The following CACNB2 variants were observed in gnomAD, a reference collection of about 807,000 sequenced individuals.
CACNB2 encodes the protein calcium voltage-gated channel auxiliary subunit beta 2, also known as voltage-dependent L-type calcium channel subunit beta-2.
In CACNB2, 42 loss-of-function variants were observed where a neutral mutation model predicts 73.3. That is an observed-to-expected ratio of 0.57 (90% CI 0.45 to 0.74). CACNB2 has a LOEUF of 0.74. Among genes scored for constraint, CACNB2 ranks in the 30% least tolerant of loss-of-function variants. The probability of loss-of-function intolerance (pLI) is 0.00; values close to 1 mark genes in which losing one functional copy is unlikely to be tolerated. For synonymous variants in CACNB2, 348 were observed against 310.3 expected (o/e 1.12, Z -1.28); for missense variants, 940 against 853.0 (o/e 1.10, Z -1.27).
chr10:18,526,519 C>T (rs2052485925), intron 9 of CACNB2, among the ~76,000 whole-genome samples: 1 of 152,196 alleles, frequency 6.6e-6, no homozygotes, highest in African/African-American at 2.4e-5. Context: ...TCCTTTTCGC[C>T]CTAACTTCAT....
At chr10:18,450,502 G>A (rs556299305) in intron 3 of CACNB2, among the ~76,000 whole-genome samples, 10 of 152,108 alleles carry the variant, frequency 6.6e-5, no homozygotes, top group Admixed American at 3.3e-4. Context: ...GATGTGGGCC[G>A]TAAGGAATCC....
intron 3 of CACNB2, among the ~76,000 whole-genome samples, chr10:18,422,977 C>T (rs915162786): frequency 2.6e-5 from 4 of 152,174 alleles, no homozygotes; most frequent in African/African-American, 9.7e-5. Context: ...TGATTACAGG[C>T]GTGAGCCACT....
intron 3 of CACNB2, among the ~76,000 whole-genome samples, chr10:18,442,733 G>A (rs914759990): frequency 2.0e-5 from 3 of 150,648 alleles, no homozygotes; most frequent in Admixed American, 6.6e-5. Flanking sequence ...GCTGAGGCAG[G>A]AGAATTCCTG....
At chr10:18,379,964 G>T (rs551656857) in intron 2 of CACNB2, among the ~76,000 whole-genome samples, 1 of 152,266 alleles carries the variant, frequency 6.6e-6, no homozygotes, top group South Asian at 2.1e-4. Flanking sequence ...TGGGATTACA[G>T]CTATGAGCCA....
rs530120285 is a variant in CACNB2 at position 18,244,391 on chromosome 10, A to G, written c.213+93416A>G. Among the ~76,000 whole-genome samples the G allele has an allele frequency of 7.9e-5, 12 of 152,304 alleles. No homozygotes were observed. The South Asian group carries it at 1.7e-3, about 21-fold the overall frequency. ...AATCATCAACCGCTTCTCAACTACC[A>G]TATGTCAGTGATTATGGGGATCCCT... On this transcript the variant is annotated intron_variant, in intron 2 of 13. Coordinates refer to ENST00000324631, the MANE Select transcript of CACNB2 (RefSeq NM_201596.3).
chr10:18,261,996 G>A (rs1270302903), intron 2 of CACNB2: 2 of 518,794 alleles, frequency 3.9e-6, no homozygotes, highest in Non-Finnish European at 7.7e-6. Context: ...GACCAGCTCC[G>A]AGCAAGCGCT....
intron 1 of CACNB2, among the ~76,000 whole-genome samples, chr10:18,147,776 C>T (rs539243689): frequency 5.9e-5 from 9 of 151,980 alleles, no homozygotes; most frequent in East Asian, 3.9e-4. Flanking sequence ...CTGTCTTTTC[C>T]GTTTGGGAGA....
At chr10:18,455,065 G>A (rs12355645) in intron 3 of CACNB2, among the ~76,000 whole-genome samples, 47,282 of 150,558 alleles carry the variant, frequency 0.31, 7,724 homozygotes, top group Admixed American at 0.36. Flanking sequence ...AGTGGTATTC[G>A]TACTCATTGA....
chr10:18,368,244 T>C (rs1030961261), intron 2 of CACNB2, among the ~76,000 whole-genome samples: 1 of 152,196 alleles, frequency 6.6e-6, no homozygotes, highest in Non-Finnish European at 1.5e-5. Context: ...TCATTTCTAC[T>C]AATATGGGCA....
chr10:18,470,377 T>C (rs2048118668), intron 3 of CACNB2, among the ~76,000 whole-genome samples: 1 of 149,132 alleles, frequency 6.7e-6, no homozygotes, highest in Non-Finnish European at 1.5e-5. Flanking sequence ...ATATATTATA[T>C]ATAGACTATG....
At chr10:18,336,316 C>A (rs2041003040) in intron 2 of CACNB2, among the ~76,000 whole-genome samples, 1 of 152,138 alleles carries the variant, frequency 6.6e-6, no homozygotes, top group South Asian at 2.1e-4. Flanking sequence ...CTCCCCAGAA[C>A]AATAAAATGA....
chr10:18,503,294 T>C (rs909316577), intron 5 of CACNB2, among the ~76,000 whole-genome samples: 1 of 152,156 alleles, frequency 6.6e-6, no homozygotes, highest in African/African-American at 2.4e-5. Flanking sequence ...GGTATCATAA[T>C]ACTAGCTAAT....
intron 2 of CACNB2, among the ~76,000 whole-genome samples, chr10:18,382,911 G>A (rs2043077237): frequency 6.6e-6 from 1 of 152,150 alleles, no homozygotes; most frequent in Non-Finnish European, 1.5e-5. Flanking sequence ...ACCCAGTAAT[G>A]GGATTGCTGG....
intron 2 of CACNB2, among the ~76,000 whole-genome samples, chr10:18,398,819 A>G (rs137976347): frequency 2.6e-5 from 4 of 152,288 alleles, no homozygotes; most frequent in African/African-American, 9.6e-5. Flanking sequence ...ATTGGTAGTC[A>G]CATCCTGTAT....
At chr10:18,294,797 C>T (rs1423795788) in intron 2 of CACNB2, among the ~76,000 whole-genome samples, 1 of 152,204 alleles carries the variant, frequency 6.6e-6, no homozygotes, top group Non-Finnish European at 1.5e-5. Flanking sequence ...TTTCAGTTTC[C>T]TGTGTCTCTT....
intron 3 of CACNB2, among the ~76,000 whole-genome samples, chr10:18,407,933 A>C (rs1292395485): frequency 5.9e-5 from 9 of 151,824 alleles, no homozygotes; most frequent in Non-Finnish European, 1.3e-4. Flanking sequence ...TTAATATTTG[A>C]TGTTACTTTT....
chr10:18,276,537 C>A (rs962942499), intron 2 of CACNB2, among the ~76,000 whole-genome samples: 7 of 151,976 alleles, frequency 4.6e-5, no homozygotes, highest in African/African-American at 1.7e-4. Context: ...TACAGTGGCA[C>A]GCACCCAGCT....
intron 2 of CACNB2, among the ~76,000 whole-genome samples, chr10:18,253,324 T>C (rs1247150308): frequency 6.6e-6 from 1 of 152,214 alleles, no homozygotes; most frequent in Non-Finnish European, 1.5e-5. Flanking sequence ...TACATAGCAA[T>C]ATTTATGACA....
At chr10:18,240,696 T>C (rs887278741) in intron 2 of CACNB2, among the ~76,000 whole-genome samples, 4 of 152,168 alleles carry the variant, frequency 2.6e-5, no homozygotes, top group African/African-American at 9.7e-5. Flanking sequence ...AGAGTCATTC[T>C]CGATGACCTT....
Sources: allele counts gnomAD v4.1 joint callset (sites outside exome capture counted in the v4.1 genomes callset), GRCh38; gene constraint gnomAD v4.1.1; transcripts MANE v1.5; gene names NCBI Gene and HGNC (gene_info 2026-07-23, HGNC 2026-07-21).